The following MYO5B variants were observed in gnomAD, a reference collection of about 807,000 sequenced individuals.
MYO5B encodes unconventional myosin-Vb.
In MYO5B, 143 loss-of-function variants were observed where a neutral mutation model predicts 229.3. The ratio of observed to expected loss-of-function variants is 0.62; its 90% CI spans 0.54 to 0.72. MYO5B has a LOEUF of 0.72. MYO5B is among the 30% of genes least tolerant of loss of function. The probability of loss-of-function intolerance (pLI) is 0.00; values close to 1 mark genes in which losing one functional copy is unlikely to be tolerated. For synonymous variants in MYO5B, 918 were observed against 885.2 expected (o/e 1.04, Z -0.66); for missense variants, 2,321 against 2,331.0 (o/e 1.00, Z 0.09).
At chr18:49,999,763 C>T (rs979186109) in intron 5 of MYO5B, among the ~76,000 whole-genome samples, 11 of 152,290 alleles carry the variant, frequency 7.2e-5, no homozygotes, top group Admixed American at 6.5e-5. Flanking sequence ...TAGGAACTTG[C>T]GAGAAATGCA....
At chr18:50,142,467 A>G (rs1000739599) in intron 1 of MYO5B, among the ~76,000 whole-genome samples, 4 of 152,174 alleles carry the variant, frequency 2.6e-5, no homozygotes, top group African/African-American at 9.7e-5. Flanking sequence ...CCACTTCCCA[A>G]CCAAAGTAGG....
intron 22 of MYO5B, among the ~76,000 whole-genome samples, chr18:49,885,849 A>C (rs2156072): frequency 0.58 from 88,341 of 152,116 alleles, 25,823 homozygotes; most frequent in Middle Eastern, 0.67. Flanking sequence ...TAGTGGCCTT[A>C]CATTAGGTTT....
intron 1 of MYO5B, among the ~76,000 whole-genome samples, chr18:50,081,024 C>T (rs932960499): frequency 3.9e-5 from 6 of 152,192 alleles, no homozygotes; most frequent in Non-Finnish European, 5.9e-5. Flanking sequence ...ATTTTCATGC[C>T]GCTAGTAGCA....
chr18:49,974,428 C>A lies in MYO5B; in HGVS notation c.1244G>T (p.Trp415Leu), dbSNP rs756071340. The A allele has an allele frequency of 1.9e-6, 3 of 1,614,176 alleles. No individual in the cohort carries two copies. In the Admixed American group the frequency reaches 5.0e-5, roughly 27 times the overall value. Reference protein sequence around the residue: ...AKHIYAQLFGWIVEHINKALH... With the variant: ...AKHIYAQLFGLIVEHINKALH... ...GGCCTTGTTGATGTGCTCCACAATCCAGCCGAACAACTGGGCATAGATGTG... is the reference window on the plus strand; with the variant it reads ...GGCCTTGTTGATGTGCTCCACAATCAAGCCGAACAACTGGGCATAGATGTG... Residue 415 changes from tryptophan (W) to leucine (L), a missense_variant, in exon 10 of 40, where the codon TGG (tryptophan) becomes TTG (leucine). By Grantham distance (61) the Trp-to-Leu change is moderately conservative. This residue lies in a region of MYO5B where 2,113 missense variants were observed against 2,044.7 expected (regional missense o/e 1.03). Transcript: ENST00000285039.
chr18:50,131,563 G>A (rs1029361638), intron 1 of MYO5B, among the ~76,000 whole-genome samples: 1 of 152,164 alleles, frequency 6.6e-6, no homozygotes, highest in African/African-American at 2.4e-5. Context: ...ATGGCACTTG[G>A]CCCAGTGCTT....
intron 17 of MYO5B, among the ~76,000 whole-genome samples, chr18:49,925,335 C>T (rs9959186): frequency 0.019 from 2,949 of 152,302 alleles, 104 homozygotes; most frequent in African/African-American, 0.069. Flanking sequence ...TTCCGGTTGT[C>T]CCACTTGTCT....
intron 12 of MYO5B, among the ~76,000 whole-genome samples, chr18:49,956,260 A>G (rs1051948919): frequency 2.6e-5 from 4 of 152,210 alleles, no homozygotes; most frequent in African/African-American, 9.6e-5. Context: ...CACATTTTAG[A>G]TGTATCAACT....
intron 1 of MYO5B, among the ~76,000 whole-genome samples, chr18:50,102,372 C>T (rs1568107131): frequency 6.6e-6 from 1 of 151,986 alleles, no homozygotes. Flanking sequence ...AAAAAAAAGC[C>T]TCCAAATCTT....
intron 3 of MYO5B, among the ~76,000 whole-genome samples, chr18:50,037,628 G>T (rs1300622247): frequency 6.6e-6 from 1 of 152,132 alleles, no homozygotes; most frequent in Non-Finnish European, 1.5e-5. Flanking sequence ...TGCCAGGCAC[G>T]GTGGCTCATG....
At chr18:49,867,584 A>G (rs2024411116) in intron 27 of MYO5B, among the ~76,000 whole-genome samples, 1 of 152,126 alleles carries the variant, frequency 6.6e-6, no homozygotes, top group South Asian at 2.1e-4. Flanking sequence ...ACCTTTCTGT[A>G]GAGAGTTTGG....
At chr18:49,866,454 C>A (rs1245509800) in intron 27 of MYO5B, among the ~76,000 whole-genome samples, 2 of 152,164 alleles carry the variant, frequency 1.3e-5, no homozygotes, top group Non-Finnish European at 2.9e-5. Flanking sequence ...ATCTCGAGAA[C>A]TTTTTCACCT....
In MYO5B at chr18:49,973,237, T is replaced by C. The variant is rs544375270; in HGVS notation, c.1322+1113A>G. Among the ~76,000 whole-genome samples, 8 of 152,308 alleles carry C rather than the reference T, an allele frequency of 5.3e-5. No homozygotes were observed. In the South Asian group the frequency reaches 1.7e-3, roughly 32 times the overall value. On this transcript the variant is annotated intron_variant, in intron 10 of 39. Transcript: ENST00000285039. ...GTCAGAAATCACAAAGATTGTCTTC[T>C]TTCTCCATAGCATGCAACATAGTTC... is the stretch of plus-strand genomic sequence containing the variant.
intron 4 of MYO5B, among the ~76,000 whole-genome samples, chr18:50,021,492 T>A (rs2026274052): frequency 6.6e-6 from 1 of 152,122 alleles, no homozygotes; most frequent in African/African-American, 2.4e-5. Flanking sequence ...ATCCTGGAGT[T>A]ACGGCAAGAG....
chr18:50,018,553 T>C (rs1465380240), intron 4 of MYO5B, among the ~76,000 whole-genome samples: 1 of 152,218 alleles, frequency 6.6e-6, no homozygotes, highest in Non-Finnish European at 1.5e-5. Context: ...ATATAGCATC[T>C]TCCGGGTAGG....
intron 1 of MYO5B, among the ~76,000 whole-genome samples, chr18:50,149,090 T>G (rs1189116508): frequency 6.6e-6 from 1 of 152,028 alleles, no homozygotes; most frequent in Non-Finnish European, 1.5e-5. Context: ...CACAATTGCT[T>G]CAAAGAGAAT....
chr18:50,113,407 G>A (rs943750550), intron 1 of MYO5B, among the ~76,000 whole-genome samples: 3 of 152,152 alleles, frequency 2.0e-5, no homozygotes, highest in African/African-American at 7.2e-5. Flanking sequence ...ACCATGGTTT[G>A]GAGGCAGATA....
chr18:49,944,636 G>T (rs926494166), intron 14 of MYO5B, among the ~76,000 whole-genome samples: 1 of 151,880 alleles, frequency 6.6e-6, no homozygotes, highest in African/African-American at 2.4e-5. Context: ...TTATATAAAT[G>T]GAAGAGCTGA....
chr18:50,004,155 A>AAAGTGGGCTCTTCTGAGGAGGT (rs2026076626), intron 4 of MYO5B, among the ~76,000 whole-genome samples: 1 of 152,218 alleles, frequency 6.6e-6, no homozygotes, highest in Non-Finnish European at 1.5e-5. Context: ...ATGTGGAGAA[A>AAAGTGGGCTCTTCTGAGGAGGT]AAGTGGGCTC....
chr18:49,866,534 C>T (rs192835620), intron 27 of MYO5B, among the ~76,000 whole-genome samples: 1 of 152,356 alleles, frequency 6.6e-6, no homozygotes, highest in Admixed American at 6.5e-5. Flanking sequence ...CTGCAACCAT[C>T]ATTCTACTTT....
Sources: gnomAD v4.1 joint callset for allele counts (sites outside exome capture counted in the v4.1 genomes callset) on GRCh38, gnomAD v4.1.1 for gene constraint, gnomAD v4.1.1 regional missense constraint, MANE v1.5 for transcripts, NCBI Gene and HGNC (gene_info 2026-07-23, HGNC 2026-07-21) for gene names.